Variants in DEK observed in about 807,000 individuals in gnomAD.
DEK encodes the protein protein DEK.
DEK carries 28 observed loss-of-function variants against 46.8 expected under a neutral mutation model. The ratio of observed to expected loss-of-function variants is 0.60; its 90% CI spans 0.44 to 0.82. The LOEUF (loss-of-function observed/expected upper bound fraction) is 0.82, where lower values mean the gene tolerates loss of function less well. DEK is among the 40% of genes least tolerant of loss of function. The pLI, the probability that DEK is intolerant of heterozygous loss-of-function variation, is 0.00. For synonymous variants in DEK, 160 were observed against 144.5 expected, an observed-to-expected ratio of 1.11 and a Z score of -0.77; for missense variants, 416 against 430.6, an observed-to-expected ratio of 0.97 and a Z score of 0.30.
intron 2 of DEK, among the ~76,000 whole-genome samples, chr6:18,262,012 G>A (rs1791893931): frequency 6.6e-6 from 1 of 152,156 alleles, no homozygotes; most frequent in Admixed American, 6.5e-5. Flanking sequence ...AATCATGGGG[G>A]CAGATCCCTC....
intron 6 of DEK, among the ~76,000 whole-genome samples, chr6:18,251,608 A>G (rs1791377283): frequency 6.6e-6 from 1 of 152,252 alleles, no homozygotes; most frequent in South Asian, 2.1e-4. Context: ...ATGCATACAC[A>G]TATCCTTGCT....
chr6:18,252,765 T>C (rs1409483623), intron 6 of DEK, among the ~76,000 whole-genome samples: 1 of 152,154 alleles, frequency 6.6e-6, no homozygotes, highest in Non-Finnish European at 1.5e-5. Flanking sequence ...GTGTTGACAT[T>C]TGTACTAATT....
Position 18,248,376 on chromosome 6 carries a change from G to A in DEK, c.762+1275C>T, listed in dbSNP as rs369524710. 3.3e-5 allele frequency among the ~76,000 whole-genome samples: 5 copies of A among 152,278 alleles called. No homozygotes were observed. The East Asian group carries it at 9.6e-4, about 29-fold the overall frequency. ...AGTTTAGGAATCTGAATGGCACACA[G>A]TAGACACCAAATATTTCCTGAATGA... On this transcript the variant is annotated intron_variant, in intron 7 of 10. Coordinates refer to ENST00000652689, the MANE Select transcript of DEK (RefSeq NM_003472.4).
chr6:18,250,126 C>T (rs1053517727), intron 6 of DEK, among the ~76,000 whole-genome samples: 1 of 152,162 alleles, frequency 6.6e-6, no homozygotes, highest in African/African-American at 2.4e-5. Flanking sequence ...ATGTTAAGCT[C>T]CAACGGCTGT....
At chr6:18,256,338 C>T (rs969083020) in intron 5 of DEK, 23 bp downstream of exon 5, 1 of 1,565,844 alleles carries the variant, frequency 6.4e-7, no homozygotes, top group Admixed American at 1.7e-5. Context: ...GATCAAAATA[C>T]AGTATTTATA....
At chr6:18,259,395 A>C (rs972497934) in intron 2 of DEK, among the ~76,000 whole-genome samples, 3 of 26,598 alleles carry the variant, frequency 1.1e-4, no homozygotes, top group African/African-American at 5.2e-4. Flanking sequence ...ACTCCGTCTC[A>C]AAAAAAAAAA....
rs111981497 is a variant in DEK, at chr6:18,225,698, T to C, written c.*21A>G. The C allele has an allele frequency of 6.2e-7, 1 of 1,611,572 alleles. No homozygotes were observed. The highest frequency in any genetic ancestry group is 2.2e-5 in the East Asian group (1 of 44,768). ...AGATCTTCAAATCTATGGGAACGAG[T>C]CATCTTCTCTGTCCTCTATCTCAAG... On this transcript the variant is annotated 3_prime_UTR_variant, in exon 11 of 11. Coordinates refer to ENST00000652689, the MANE Select transcript of DEK (RefSeq NM_003472.4).
chr6:18,236,547 T>C lies in DEK; in HGVS notation c.952A>G (p.Lys318Glu). 1.3e-6 allele frequency: 2 copies of C among 1,586,072 alleles called. No homozygotes were observed. Among genetic ancestry groups the C allele is most frequent in the African/African-American group, 1.4e-5 (1 of 72,840 alleles). Reference protein sequence around the residue: ...DDEPLIKKLKKPPTDEELKET... With the variant: ...DDEPLIKKLKEPPTDEELKET... ...TTTAACTCTTCATCTGTAGGGGGTT[T>C]CTTCAACTTTTTAATTAAAGGTTCA... is the stretch of plus-strand genomic sequence containing the variant. Residue 318 changes from lysine to glutamate, a missense_variant, in exon 9 of 11, where the codon AAA (lysine) becomes GAA (glutamate). Coordinates refer to ENST00000652689, the MANE Select transcript of DEK (RefSeq NM_003472.4).
chr6:18,254,853 T>C (rs1471709208), intron 6 of DEK, among the ~76,000 whole-genome samples: 1 of 152,194 alleles, frequency 6.6e-6, no homozygotes, highest in African/African-American at 2.4e-5. Flanking sequence ...TTTGTAGTTG[T>C]ATAACAAAAG....
intron 2 of DEK, among the ~76,000 whole-genome samples, chr6:18,259,276 T>A (rs1791737733): frequency 6.6e-6 from 1 of 151,276 alleles, no homozygotes; most frequent in Admixed American, 6.6e-5. Flanking sequence ...GTGCCTGTAG[T>A]CCCAGCTACT....
intron 6 of DEK, among the ~76,000 whole-genome samples, chr6:18,251,127 C>A (rs577533485): frequency 6.6e-6 from 1 of 152,254 alleles, no homozygotes; most frequent in East Asian, 1.9e-4. Context: ...ATAAAATTAC[C>A]TAACATCAAG....
rs978973603 is a variant in DEK, at chr6:18,223,896, G to GTAC, written c.*1820_*1822dup. 2 of 152,116 alleles carry GTAC rather than the reference G, an allele frequency of 1.3e-5. No individual in the cohort carries two copies. The highest frequency in any genetic ancestry group is 2.9e-5 in the Non-Finnish European group (2 of 68,024). 9.4% of individuals were successfully genotyped at this position (152,116 alleles called of 1,614,324 possible). A position where few individuals can be genotyped will look rare whatever the true frequency, so the allele number is the denominator to read the frequency against. ...TGATACATCCATTTAATAAGTGTGC[G>GTAC]TACTCATCAAGAACTTTCATACAGA... On this transcript the variant is annotated 3_prime_UTR_variant, in exon 11 of 11. Coordinates refer to ENST00000652689, the MANE Select transcript of DEK (RefSeq NM_003472.4).
intron 1 of DEK, 191 bp downstream of exon 1, chr6:18,264,194 G>A (rs1242531426): frequency 7.0e-6 from 3 of 426,258 alleles, no homozygotes; most frequent in African/African-American, 2.1e-5. Context: ...GGATTCCCGA[G>A]GCGGGAAACC....
chr6:18,260,847 A>AG (rs1259202877), intron 2 of DEK, among the ~76,000 whole-genome samples: 2 of 152,056 alleles, frequency 1.3e-5, no homozygotes, highest in Non-Finnish European at 2.9e-5. Flanking sequence ...CAAAAAATAC[A>AG]GAAAGTACCC....
Position 18,255,819 on chromosome 6 carries a change from T to C in DEK, c.485A>G (p.Glu162Gly). Reference protein sequence around the residue: ...FRNAMLKSICEVLDLERSGVN... With the variant: ...FRNAMLKSICGVLDLERSGVN... The stretch of plus-strand genomic sequence containing the variant: ...ACCTGATCTCTCCAAATCAAGAACC[T>C]CACAGATGCTCTTTAACATGGCATT... Residue 162 changes from glutamate (E) to glycine (G), a missense_variant, in exon 6 of 11, where the codon GAG (glutamate) becomes GGG (glycine). By Grantham distance (98) the Glu-to-Gly change is moderately conservative. Transcript: ENST00000652689. 1 of 1,609,554 alleles carries C rather than the reference T, an allele frequency of 6.2e-7. No homozygotes were observed. The highest frequency in any genetic ancestry group is 1.1e-5 in the South Asian group (1 of 89,828).
chr6:18,245,116 AT>A (rs1791051019), intron 7 of DEK, among the ~76,000 whole-genome samples: 1 of 152,252 alleles, frequency 6.6e-6, no homozygotes, highest in Non-Finnish European at 1.5e-5. Context: ...GTGCTGGCTG[AT>A]GCCATGTATA....
At chr6:18,240,661 A>T (rs1790857755) in intron 7 of DEK, among the ~76,000 whole-genome samples, 1 of 152,206 alleles carries the variant, frequency 6.6e-6, no homozygotes, top group African/African-American at 2.4e-5. Flanking sequence ...AAACTTTCTA[A>T]GTGTTTTCAA....
intron 6 of DEK, 88 bp from the exon 7 acceptor site, chr6:18,249,927 T>C (rs1466864005): frequency 4.8e-6 from 7 of 1,452,864 alleles, no homozygotes; most frequent in African/African-American, 1.4e-5. Flanking sequence ...CAATTTCTTA[T>C]TCCTCTCTCA....
intron 2 of DEK, among the ~76,000 whole-genome samples, chr6:18,260,156 A>G (rs1159970257): frequency 6.6e-6 from 1 of 152,252 alleles, no homozygotes; most frequent in Admixed American, 6.5e-5. Context: ...TGTAGTAGTT[A>G]CATGTAACCT....
Sources: allele counts gnomAD v4.1 joint callset (sites outside exome capture counted in the v4.1 genomes callset), GRCh38; gene constraint gnomAD v4.1.1; transcripts MANE v1.5; gene names NCBI Gene and HGNC (gene_info 2026-07-23, HGNC 2026-07-21).